TRAPPC9: variants seen among roughly 807,000 people sequenced by gnomAD.
The protein encoded by TRAPPC9 is trafficking protein particle complex subunit 9, also known as IKK2 binding protein.
Under a neutral mutation model 124.0 loss-of-function variants are expected in TRAPPC9, and 83 were observed. The ratio of observed to expected loss-of-function variants is 0.67; its 90% CI spans 0.56 to 0.80. The LOEUF (loss-of-function observed/expected upper bound fraction) is 0.80, where lower values mean the gene tolerates loss of function less well. Among genes scored for constraint, TRAPPC9 ranks in the 30% least tolerant of loss-of-function variants. TRAPPC9 has a pLI of 0.00. For synonymous variants in TRAPPC9, 638 were observed against 617.5 expected (o/e 1.03, Z -0.49); for missense variants, 1,302 against 1,508.3 (o/e 0.86, Z 2.27).
chr8:140,289,448 T>C (rs923582133), intron 12 of TRAPPC9, among the ~76,000 whole-genome samples: 5 of 152,122 alleles, frequency 3.3e-5, no homozygotes, highest in Non-Finnish European at 7.3e-5. Flanking sequence ...GCTAAAGCAA[T>C]ATGGCCAACT....
chr8:140,436,290 G>C (rs1030142767), intron 3 of TRAPPC9, among the ~76,000 whole-genome samples: 7 of 152,172 alleles, frequency 4.6e-5, no homozygotes, highest in African/African-American at 1.7e-4. Flanking sequence ...AAGTTTCAGT[G>C]AGCTGAAATC....
At chr8:139,835,104 G>C (rs1336432028) in intron 21 of TRAPPC9, among the ~76,000 whole-genome samples, 1 of 152,186 alleles carries the variant, frequency 6.6e-6, no homozygotes, top group Non-Finnish European at 1.5e-5. Flanking sequence ...GGTTTTCGCT[G>C]TTAATGAATG....
At chr8:140,184,576 CA>C (rs778728367) in intron 17 of TRAPPC9, among the ~76,000 whole-genome samples, 3 of 152,148 alleles carry the variant, frequency 2.0e-5, no homozygotes, top group Non-Finnish European at 2.9e-5. Context: ...GCTGGGATTA[CA>C]GGAGTAAGCC....
At chr8:139,799,566 G>C (rs1220748752) in intron 21 of TRAPPC9, among the ~76,000 whole-genome samples, 1 of 152,160 alleles carries the variant, frequency 6.6e-6, no homozygotes, top group African/African-American at 2.4e-5. Flanking sequence ...TCCTCAGACT[G>C]CATTTGCTAT....
Position 140,063,166 on chromosome 8 carries a change from C to A in TRAPPC9, c.2557-39087G>T, listed in dbSNP as rs555241457. The stretch of plus-strand genomic sequence containing the variant: ...TGTGGGGGAAGCGGCCACTGTGATT[C>A]AATGACCTCCACCTGGTCTCTCCCT... On this transcript the variant is annotated intron_variant, in intron 17 of 22. Transcript: ENST00000438773. This position sits in a 1 kb window ranked among gnomAD's most constrained non-coding sequence, Gnocchi z 4.3. 5.3e-5 allele frequency among the ~76,000 whole-genome samples: 8 copies of A among 152,286 alleles called. No homozygotes were observed. The highest frequency in any genetic ancestry group is 1.7e-4 in the African/African-American group (7 of 41,560).
intron 17 of TRAPPC9, among the ~76,000 whole-genome samples, chr8:140,024,757 G>A (rs1563698508): frequency 6.6e-6 from 1 of 151,468 alleles, no homozygotes. Context: ...CACTGCGCCG[G>A]CCTAAACACG....
intron 21 of TRAPPC9, among the ~76,000 whole-genome samples, chr8:139,754,534 C>T (rs1288339808): frequency 5.3e-5 from 8 of 152,216 alleles, no homozygotes; most frequent in Middle Eastern, 3.4e-3. Context: ...GACCTACATG[C>T]GGTGACTGAT....
At chr8:140,030,287 A>C (rs1563703256) in intron 17 of TRAPPC9, among the ~76,000 whole-genome samples, 2 of 152,228 alleles carry the variant, frequency 1.3e-5, no homozygotes, top group Admixed American at 1.3e-4. Context: ...CAAGTTCAAT[A>C]AGTCCAGAAA....
At chr8:140,020,796 G>A (rs1014007385) in intron 18 of TRAPPC9, among the ~76,000 whole-genome samples, 1 of 152,132 alleles carries the variant, frequency 6.6e-6, no homozygotes, top group Non-Finnish European at 1.5e-5. Flanking sequence ...TCTCCCTTCA[G>A]TATGTCAGTT....
intron 21 of TRAPPC9, among the ~76,000 whole-genome samples, chr8:139,758,036 C>G (rs1042577054): frequency 2.6e-5 from 4 of 152,216 alleles, no homozygotes; most frequent in African/African-American, 9.6e-5. Flanking sequence ...GCCTGGGCCT[C>G]GTGGAGGCCT....
intron 8 of TRAPPC9, among the ~76,000 whole-genome samples, chr8:140,363,913 A>T (rs1177681152): frequency 6.6e-6 from 1 of 152,188 alleles, no homozygotes; most frequent in Non-Finnish European, 1.5e-5. Flanking sequence ...CATTTTTCAA[A>T]TGTATTTACA....
rs150343187 is a variant in TRAPPC9, at chr8:140,236,401, G to T, written c.2432-14818C>A. On this transcript the variant is annotated intron_variant, in intron 16 of 22. Coordinates refer to ENST00000438773, the MANE Select transcript of TRAPPC9 (RefSeq NM_001160372.4). ...CCCAGTCACTTATTTCTTCTACACG[G>T]AATTTAAGTAAAAACAAAACTAATT... Among the ~76,000 whole-genome samples, 230 of 152,124 alleles carry T rather than the reference G, an allele frequency of 1.5e-3. 1 individual carries two copies. Among genetic ancestry groups the T allele is most frequent in the African/African-American group, 5.3e-3 (218 of 41,508 alleles).
At chr8:139,746,792 T>G (rs1431285602) in intron 21 of TRAPPC9, among the ~76,000 whole-genome samples, 1 of 152,216 alleles carries the variant, frequency 6.6e-6, no homozygotes, top group African/African-American at 2.4e-5. Flanking sequence ...AGGGCCCCCA[T>G]GCGCTGCTGT....
In TRAPPC9 at chr8:139,788,081, A is replaced by T. The variant is rs1307482360; in HGVS notation, c.3056-55879T>A. ...AGAACTAGGAACCCGAATTCCAACCAGGCTTCAGCCCAGAAGCCACTTCCC... is the reference window on the plus strand; with the variant it reads ...AGAACTAGGAACCCGAATTCCAACCTGGCTTCAGCCCAGAAGCCACTTCCC... On this transcript the variant is annotated intron_variant, in intron 21 of 22. Transcript: ENST00000438773. The surrounding 1 kb of genome is among the most constrained non-coding windows in gnomAD (Gnocchi z 4.9). 6.6e-6 allele frequency among the ~76,000 whole-genome samples: 1 copy of T among 152,162 alleles called. No individual in the cohort carries two copies. Among genetic ancestry groups the T allele is most frequent in the Non-Finnish European group, 1.5e-5 (1 of 68,032 alleles).
At chr8:140,158,395 G>A (rs1587829212) in intron 17 of TRAPPC9, among the ~76,000 whole-genome samples, 1 of 152,158 alleles carries the variant, frequency 6.6e-6, no homozygotes. Flanking sequence ...TGCAAGCTCT[G>A]GAGGCAGAGG....
At chr8:139,828,282 C>A (rs1825768691) in intron 21 of TRAPPC9, among the ~76,000 whole-genome samples, 1 of 152,174 alleles carries the variant, frequency 6.6e-6, no homozygotes, top group Admixed American at 6.5e-5. Flanking sequence ...ATTGGCTTGT[C>A]CTGAACTGGC....
chr8:140,281,394 C>T (rs924216899), intron 14 of TRAPPC9, among the ~76,000 whole-genome samples: 1 of 152,164 alleles, frequency 6.6e-6, no homozygotes, highest in Non-Finnish European at 1.5e-5. Flanking sequence ...TGCTTATGAG[C>T]TATTTGTATA....
At chr8:140,300,215 A>G (rs1588119281) in intron 11 of TRAPPC9, among the ~76,000 whole-genome samples, 2 of 152,232 alleles carry the variant, frequency 1.3e-5, no homozygotes, top group South Asian at 4.1e-4. Context: ...ACACATGGAC[A>G]CATGTAAACA....
chr8:139,826,801 C>T (rs1357074455), intron 21 of TRAPPC9, among the ~76,000 whole-genome samples: 1 of 152,140 alleles, frequency 6.6e-6, no homozygotes. Context: ...CAGAAAGGTA[C>T]AGCAGGAGAG....
Sources: allele counts gnomAD v4.1 joint callset (sites outside exome capture counted in the v4.1 genomes callset), GRCh38; gene constraint gnomAD v4.1.1; non-coding constraint Gnocchi (gnomAD v3.1); transcripts MANE v1.5; gene names NCBI Gene and HGNC (gene_info 2026-07-23, HGNC 2026-07-21).